PPFIBP1: variants seen among roughly 807,000 people sequenced by gnomAD.
PPFIBP1 encodes liprin-beta-1.
A neutral mutation model predicts 137.8 loss-of-function variants in PPFIBP1; 112 were observed. That is an observed-to-expected ratio of 0.81 (90% CI 0.70 to 0.95). The LOEUF (loss-of-function observed/expected upper bound fraction) is 0.95. Among genes scored for constraint, PPFIBP1 ranks in the 40% least tolerant of loss-of-function variants. The pLI is 0.00. For synonymous variants in PPFIBP1, 378 were observed against 417.3 expected (o/e 0.91, Z 1.15); for missense variants, 1,083 against 1,196.6 (o/e 0.91, Z 1.40).
At chr12:27,621,160 A>G (rs572289900) in intron 2 of PPFIBP1, among the ~76,000 whole-genome samples, 1 of 152,356 alleles carries the variant, frequency 6.6e-6, no homozygotes, top group East Asian at 1.9e-4. Context: ...CAGATAGTAA[A>G]TATTTTAGGC....
At position 27,677,067 on chromosome 12, in the gene PPFIBP1, G is replaced by A. The variant is rs761545321; in HGVS notation, c.1586G>A (p.Arg529His). The change falls in exon 19 of 30, where the codon CGT (arginine) becomes CAT (histidine). Residue 529 changes from arginine to histidine, a missense_variant. Coordinates refer to ENST00000228425, the MANE Select transcript of PPFIBP1 (RefSeq NM_003622.4). ...KRTASAPNLD[R>H]KRSASAPTLA... ...TGCGTTGTTGGGATATCTGAAGATC[G>A]TAAACGAAGTGCCAGTGCACCCACC... The A allele has an allele frequency of 1.7e-5, 27 of 1,614,182 alleles. No homozygotes were observed. Among genetic ancestry groups the A allele is most frequent in the South Asian group, 2.2e-5 (2 of 91,086 alleles).
At chr12:27,682,321 G>C (rs2060924164) in intron 22 of PPFIBP1, 66 bp from the exon 23 acceptor site, 5 of 1,083,428 alleles carry the variant, frequency 4.6e-6, no homozygotes, top group Non-Finnish European at 5.6e-6. Context: ...GGAGAAATTT[G>C]CATCCTTTGC....
intron 27 of PPFIBP1, among the ~76,000 whole-genome samples, chr12:27,689,547 A>AG (rs1166111126): frequency 4.6e-5 from 7 of 152,214 alleles, no homozygotes; most frequent in Non-Finnish European, 7.3e-5. Flanking sequence ...ACCAAGGCAC[A>AG]GCGGGCTGCT....
intron 4 of PPFIBP1, among the ~76,000 whole-genome samples, chr12:27,643,076 T>C (rs2058229530): frequency 6.6e-6 from 1 of 151,322 alleles, no homozygotes; most frequent in African/African-American, 2.4e-5. Flanking sequence ...AGCGTGGTGC[T>C]GACAAAGGCT....
chr12:27,646,864 G>A (rs756928199), intron 5 of PPFIBP1, among the ~76,000 whole-genome samples: 4 of 152,166 alleles, frequency 2.6e-5, no homozygotes, highest in Admixed American at 1.3e-4. Context: ...AAGATCTGCT[G>A]TAAGCACTAG....
chr12:27,547,484 G>A (rs1249314451), intron 1 of PPFIBP1: 4 of 152,174 alleles, frequency 2.6e-5, no homozygotes, highest in Admixed American at 2.0e-4. Flanking sequence ...GAAAAATAAT[G>A]CTCTGCATTA....
intron 11 of PPFIBP1, among the ~76,000 whole-genome samples, chr12:27,662,328 G>T (rs558350120): frequency 7.1e-4 from 108 of 152,304 alleles, no homozygotes; most frequent in Non-Finnish European, 1.3e-3. Context: ...AGCTAAGTCA[G>T]TGGGCAGGCT....
In PPFIBP1 at chr12:27,677,072, C is replaced by T. The variant is rs371335870; in HGVS notation, c.1591C>T (p.Arg531Ter). 2.5e-5 allele frequency: 40 copies of T among 1,614,036 alleles called. No homozygotes were observed. The highest frequency in any genetic ancestry group is 6.7e-5 in the East Asian group (3 of 44,898). The stretch of plus-strand genomic sequence containing the variant: ...TGTTGGGATATCTGAAGATCGTAAA[C>T]GAAGTGCCAGTGCACCCACCCTAGG... The part of the protein sequence containing the change: ...TASAPNLDRK[R>*]SASAPTLAET... Residue 531 changes from arginine (R) to a stop codon, truncating the protein, a stop_gained, in exon 19 of 30, where the codon CGA becomes TGA. Transcript: ENST00000228425. LOFTEE classifies it high-confidence loss of function.
intron 2 of PPFIBP1, among the ~76,000 whole-genome samples, chr12:27,583,291 T>C (rs1313105699): frequency 6.6e-6 from 1 of 152,216 alleles, no homozygotes; most frequent in East Asian, 1.9e-4. Flanking sequence ...CACTGTTAGA[T>C]GCTTCTGGTT....
chr12:27,589,809 T>A (rs1408514204), intron 2 of PPFIBP1, among the ~76,000 whole-genome samples: 2 of 152,232 alleles, frequency 1.3e-5, no homozygotes, highest in Non-Finnish European at 2.9e-5. Context: ...GTAAGATATG[T>A]CATCTTTCTT....
intron 1 of PPFIBP1, among the ~76,000 whole-genome samples, chr12:27,577,542 T>C (rs545021256): frequency 6.6e-6 from 1 of 152,340 alleles, no homozygotes; most frequent in African/African-American, 2.4e-5. Flanking sequence ...TTCTTAAATA[T>C]TCTTTTAGTA....
Position 27,594,059 on chromosome 12 carries a change from C to T in PPFIBP1, c.-36+15820C>T, listed in dbSNP as rs542223056. The T allele has an allele frequency of 3.5e-5, 45 of 1,300,602 alleles. No individual in the cohort carries two copies. In the Middle Eastern group the frequency reaches 6.2e-4, roughly 18 times the overall value. The allele number at this position is 1,300,602 out of a possible 1,614,324, so 80.6% of individuals were successfully genotyped here. On this transcript the variant is annotated intron_variant, in intron 2 of 29. Coordinates refer to ENST00000228425, the MANE Select transcript of PPFIBP1 (RefSeq NM_003622.4). ...TGCCATGGAGTTCAAAGGCACAAAT[C>T]TCTCTCAACTTGAGAAGCTTCAAAA... is the stretch of plus-strand genomic sequence containing the variant.
intron 1 of PPFIBP1, among the ~76,000 whole-genome samples, chr12:27,554,577 C>A (rs968664228): frequency 2.0e-5 from 3 of 152,066 alleles, no homozygotes; most frequent in Admixed American, 6.5e-5. Flanking sequence ...GAAAAAAAAT[C>A]AACTGAAAAC....
At chr12:27,549,867 A>T (rs367595338) in intron 1 of PPFIBP1, among the ~76,000 whole-genome samples, 61 of 152,208 alleles carry the variant, frequency 4.0e-4, no homozygotes, top group African/African-American at 1.3e-3. Flanking sequence ...GGAGAGTGCT[A>T]TTTGGCTGTT....
chr12:27,613,991 T>C (rs2055457856), intron 2 of PPFIBP1, among the ~76,000 whole-genome samples: 1 of 152,186 alleles, frequency 6.6e-6, no homozygotes, highest in South Asian at 2.1e-4. Flanking sequence ...GGGTGGCTAC[T>C]CTAGGACTAA....
At chr12:27,608,890 G>T in intron 2 of PPFIBP1, 1 of 195,836 alleles carries the variant, frequency 5.1e-6, no homozygotes, top group Non-Finnish European at 1.1e-5. Flanking sequence ...TTGTTTTTTT[G>T]TTTTGTTTTG....
chr12:27,537,861 T>G (rs74322545), intron 1 of PPFIBP1, among the ~76,000 whole-genome samples: 1,957 of 152,172 alleles, frequency 0.013, 44 homozygotes, highest in African/African-American at 0.045. Context: ...CTTTTAGCTA[T>G]GTAAATGGAA....
At chr12:27,583,259 G>C (rs956298358) in intron 2 of PPFIBP1, among the ~76,000 whole-genome samples, 2 of 152,146 alleles carry the variant, frequency 1.3e-5, no homozygotes, top group African/African-American at 4.8e-5. Context: ...TTGGGGAAGA[G>C]TTAAGAAGAC....
At chr12:27,596,066 A>C (rs1005382351) in intron 2 of PPFIBP1, among the ~76,000 whole-genome samples, 51 of 110,724 alleles carry the variant, frequency 4.6e-4, no homozygotes, top group African/African-American at 1.8e-3. Flanking sequence ...GGGCATGGGT[A>C]TAAATACACA....
Sources: gnomAD v4.1 joint callset for allele counts (sites outside exome capture counted in the v4.1 genomes callset) on GRCh38, gnomAD v4.1.1 for gene constraint, MANE v1.5 for transcripts, NCBI Gene and HGNC (gene_info 2026-07-23, HGNC 2026-07-21) for gene names.